TMEM132D: variants seen among roughly 807,000 people sequenced by gnomAD.
The protein encoded by TMEM132D is transmembrane protein 132D, also known as mature OL transmembrane protein.
A neutral mutation model predicts 62.3 loss-of-function variants in TMEM132D; 21 were observed. The observed-to-expected ratio is 0.34, with a 90% CI of 0.24 to 0.49. TMEM132D has a LOEUF of 0.49. Ranked by LOEUF, TMEM132D falls within the 20% of genes least tolerant of loss-of-function variation. The pLI is 0.99. For missense variants in TMEM132D, 1,346 were observed against 1,402.8 expected (o/e 0.96, Z 0.65); for synonymous variants, 621 against 575.6 (o/e 1.08, Z -1.13).
chr12:129,892,201 T>C (rs1489524298), intron 1 of TMEM132D, among the ~76,000 whole-genome samples: 1 of 152,190 alleles, frequency 6.6e-6, no homozygotes, highest in African/African-American at 2.4e-5. Flanking sequence ...TTCACAGTGC[T>C]CTCTGGATAA....
At chr12:129,680,117 G>A (rs952684085) in intron 2 of TMEM132D, among the ~76,000 whole-genome samples, 2 of 152,176 alleles carry the variant, frequency 1.3e-5, no homozygotes, top group Admixed American at 6.5e-5. Context: ...TTCTGTGCCT[G>A]AGTTCACTCA....
intron 5 of TMEM132D, among the ~76,000 whole-genome samples, chr12:129,132,147 C>T (rs570915729): frequency 6.6e-6 from 1 of 152,220 alleles, no homozygotes; most frequent in East Asian, 1.9e-4. Flanking sequence ...CAGTTGATTG[C>T]TCTAGACATT....
chr12:129,646,167 G>GCC (rs1436540074), intron 2 of TMEM132D, among the ~76,000 whole-genome samples: 1 of 152,186 alleles, frequency 6.6e-6, no homozygotes, highest in East Asian at 1.9e-4. Context: ...CCCAGGCTGA[G>GCC]CCCCAGCCTT....
chr12:129,395,340 C>A (rs1871392952), intron 3 of TMEM132D, among the ~76,000 whole-genome samples: 1 of 152,084 alleles, frequency 6.6e-6, no homozygotes, highest in Non-Finnish European at 1.5e-5. Context: ...AACCTGAAGT[C>A]CAGTAACTAA....
intron 2 of TMEM132D, among the ~76,000 whole-genome samples, chr12:129,535,493 G>C (rs545692237): frequency 6.6e-6 from 1 of 152,156 alleles, no homozygotes; most frequent in Middle Eastern, 3.2e-3. Flanking sequence ...CTATAAATTT[G>C]AGTTCATTAT....
intron 1 of TMEM132D, among the ~76,000 whole-genome samples, chr12:129,710,013 C>A (rs1565957693): frequency 6.6e-6 from 1 of 152,122 alleles, no homozygotes. Context: ...AGCAAATGAA[C>A]TGAATCCCAA....
chr12:129,329,064 T>C (rs949351887), intron 4 of TMEM132D, among the ~76,000 whole-genome samples: 1 of 151,004 alleles, frequency 6.6e-6, no homozygotes, highest in Admixed American at 6.6e-5. Context: ...TATACTTTCA[T>C]ACGTCTGGAA....
At chr12:129,842,107 T>G (rs1873215319) in intron 1 of TMEM132D, among the ~76,000 whole-genome samples, 2 of 145,596 alleles carry the variant, frequency 1.4e-5, no homozygotes, top group Admixed American at 1.4e-4. Context: ...ATTTTTTTTT[T>G]TTTTTTTTTT....
At chr12:129,802,724 A>G (rs1275161593) in intron 1 of TMEM132D, among the ~76,000 whole-genome samples, 24 of 151,278 alleles carry the variant, frequency 1.6e-4, no homozygotes, top group South Asian at 4.2e-4. Flanking sequence ...AAATGCTCCA[A>G]TTAAAAGACA....
chr12:129,562,414 C>T (rs1252283702), intron 2 of TMEM132D, among the ~76,000 whole-genome samples: 1 of 152,180 alleles, frequency 6.6e-6, no homozygotes, highest in Non-Finnish European at 1.5e-5. Flanking sequence ...GGTTATTAAA[C>T]AGATCATTTT....
chr12:129,577,642 T>C (rs1565909957), intron 2 of TMEM132D, among the ~76,000 whole-genome samples: 1 of 149,994 alleles, frequency 6.7e-6, no homozygotes, highest in Non-Finnish European at 1.5e-5. Context: ...ATTCATGACA[T>C]ACCTAACGTT....
At chr12:129,332,994 A>C (rs956092838) in intron 4 of TMEM132D, among the ~76,000 whole-genome samples, 5 of 152,226 alleles carry the variant, frequency 3.3e-5, no homozygotes, top group African/African-American at 1.2e-4. Context: ...ACAATGGTTA[A>C]GATGGTAGCT....
chr12:129,781,170 A>G (rs1208112865), intron 1 of TMEM132D, among the ~76,000 whole-genome samples: 3 of 152,220 alleles, frequency 2.0e-5, no homozygotes, highest in African/African-American at 7.2e-5. Flanking sequence ...GATTGTACAG[A>G]TGCTAACAGT....
At chr12:129,877,430 G>C (rs996024412) in intron 1 of TMEM132D, among the ~76,000 whole-genome samples, 3 of 152,232 alleles carry the variant, frequency 2.0e-5, no homozygotes, top group African/African-American at 7.2e-5. Flanking sequence ...GCAGAAGGAA[G>C]CACCCATTCC....
chr12:129,168,692 T>C (rs1203752701), intron 5 of TMEM132D, among the ~76,000 whole-genome samples: 1 of 152,206 alleles, frequency 6.6e-6, no homozygotes, highest in African/African-American at 2.4e-5. Context: ...CGTGGGGCTG[T>C]CCTATGAGTC....
At chr12:129,728,052 G>T (rs565009723) in intron 1 of TMEM132D, among the ~76,000 whole-genome samples, 4 of 152,056 alleles carry the variant, frequency 2.6e-5, no homozygotes, top group African/African-American at 7.2e-5. Flanking sequence ...TCTTTGTATT[G>T]CATGTTAAAA....
intron 5 of TMEM132D, among the ~76,000 whole-genome samples, chr12:129,088,952 C>T (rs1393190055): frequency 2.7e-5 from 1 of 37,688 alleles, no homozygotes; most frequent in Non-Finnish European, 4.3e-5. Flanking sequence ...CCTCCATGAC[C>T]GGGTGTCCTC....
chr12:129,705,280 A>G (rs1012651141), intron 1 of TMEM132D, among the ~76,000 whole-genome samples: 6 of 152,246 alleles, frequency 3.9e-5, no homozygotes, highest in African/African-American at 1.4e-4. Context: ...TACAAATTCA[A>G]AGTAGATCTT....
At chr12:129,681,221 T>C (rs2137208494) in intron 2 of TMEM132D, among the ~76,000 whole-genome samples, 1 of 152,354 alleles carries the variant, frequency 6.6e-6, no homozygotes, top group Admixed American at 6.5e-5. Context: ...GACTACTGTT[T>C]ATTTATCACT....
Sources: allele counts gnomAD v4.1 joint callset (sites outside exome capture counted in the v4.1 genomes callset), GRCh38; gene constraint gnomAD v4.1.1; transcripts MANE v1.5; gene names NCBI Gene and HGNC (gene_info 2026-07-23, HGNC 2026-07-21).